The following MAF variants were observed in gnomAD, a reference collection of about 807,000 sequenced individuals.
MAF encodes the protein transcription factor Maf.
In MAF, 10 loss-of-function variants were observed where a neutral mutation model predicts 22.0. That is an observed-to-expected ratio of 0.45 (90% CI 0.28 to 0.77). The LOEUF is 0.77. MAF is among the 30% of genes least tolerant of loss of function. The pLI is 0.12. For synonymous variants in MAF, 337 were observed against 255.8 expected (o/e 1.32, Z -3.03); for missense variants, 544 against 548.4 (o/e 0.99, Z 0.08).
chr16:79,250,943 C>G, the MAF span, among the ~76,000 whole-genome samples: 2 of 152,090 alleles, frequency 1.3e-5, no homozygotes, highest in Admixed American at 6.5e-5. Context: ...GTAATAATTC[C>G]GATTACAAAA....
chr16:79,247,001 TA>T, the MAF span, among the ~76,000 whole-genome samples: 2 of 152,084 alleles, frequency 1.3e-5, no homozygotes, highest in African/African-American at 4.8e-5. Context: ...AATCAATCAA[TA>T]AACGAGAACA....
At chr16:79,353,775 C>A in the MAF span, among the ~76,000 whole-genome samples, 71 of 152,120 alleles carry the variant, frequency 4.7e-4, 2 homozygotes, top group Admixed American at 2.8e-3. Context: ...ATCTTTTAGA[C>A]GATGGTCCTC....
At chr16:79,286,400 G>T in the MAF span, among the ~76,000 whole-genome samples, 15 of 152,280 alleles carry the variant, frequency 9.9e-5, no homozygotes, top group Admixed American at 3.9e-4. Context: ...ATATTGAAAA[G>T]TTGGCCCCAC....
At chr16:79,402,843 G>C in the MAF span, among the ~76,000 whole-genome samples, 1 of 152,208 alleles carries the variant, frequency 6.6e-6, no homozygotes, top group Non-Finnish European at 1.5e-5. Flanking sequence ...CATGGGGGAA[G>C]TTCCAAGGAG....
At chr16:79,456,858 T>C in the MAF span, among the ~76,000 whole-genome samples, 2 of 152,180 alleles carry the variant, frequency 1.3e-5, no homozygotes, top group Non-Finnish European at 2.9e-5. Flanking sequence ...CCTATTTATA[T>C]GCAAACACAT....
At chr16:79,561,311 CTTTCT>C in the MAF span, among the ~76,000 whole-genome samples, 1 of 145,226 alleles carries the variant, frequency 6.9e-6, no homozygotes, top group Non-Finnish European at 1.5e-5. Context: ...TTGAAGTTTT[CTTTCT>C]TTTTTTTTTT....
the MAF span, among the ~76,000 whole-genome samples, chr16:79,558,275 CTA>C: frequency 6.6e-6 from 1 of 151,826 alleles, no homozygotes; most frequent in East Asian, 1.9e-4. Flanking sequence ...GAATTGGAAA[CTA>C]TGAACTATAA....
chr16:79,505,878 C>T, the MAF span, among the ~76,000 whole-genome samples: 1 of 151,782 alleles, frequency 6.6e-6, no homozygotes, highest in Non-Finnish European at 1.5e-5. Context: ...TGCGGGAGAA[C>T]TTGGGACATG....
chr16:79,551,643 C>G, the MAF span, among the ~76,000 whole-genome samples: 3 of 152,136 alleles, frequency 2.0e-5, no homozygotes, highest in Non-Finnish European at 4.4e-5. Flanking sequence ...ACTGTTTGTT[C>G]TTGTGCAGCC....
chr16:79,469,741 T>C, the MAF span, among the ~76,000 whole-genome samples: 13 of 151,988 alleles, frequency 8.6e-5, no homozygotes, highest in Non-Finnish European at 1.8e-4. Flanking sequence ...GGATTACAGG[T>C]GCCCGCCACC....
chr16:79,487,417 T>C, the MAF span, among the ~76,000 whole-genome samples: 4 of 152,290 alleles, frequency 2.6e-5, no homozygotes, highest in East Asian at 5.8e-4. Context: ...TACAAATTCG[T>C]GGGCCTATCA....
At chr16:79,432,336 A>C in the MAF span, among the ~76,000 whole-genome samples, 1 of 152,178 alleles carries the variant, frequency 6.6e-6, no homozygotes, top group Admixed American at 6.5e-5. Flanking sequence ...CTCAGTCTCG[A>C]GTATTTCCTT....
At chr16:79,388,220 T>C in the MAF span, among the ~76,000 whole-genome samples, 1 of 150,538 alleles carries the variant, frequency 6.6e-6, no homozygotes, top group Non-Finnish European at 1.5e-5. Context: ...TACATCCATT[T>C]GTCTGGGTTA....
chr16:79,455,060 C>T, the MAF span, among the ~76,000 whole-genome samples: 2 of 150,986 alleles, frequency 1.3e-5, no homozygotes, highest in African/African-American at 4.9e-5. Context: ...CGCACCATTG[C>T]ACTACAGCCT....
the MAF span, among the ~76,000 whole-genome samples, chr16:79,360,828 A>T: frequency 6.6e-6 from 1 of 152,164 alleles, no homozygotes; most frequent in Non-Finnish European, 1.5e-5. Context: ...CCCAGCAGGG[A>T]TGACTCAGGA....
chr16:79,517,936 G>T, the MAF span, among the ~76,000 whole-genome samples: 1 of 152,136 alleles, frequency 6.6e-6, no homozygotes, highest in African/African-American at 2.4e-5. Flanking sequence ...TGGACCAAGG[G>T]CAGGGTCTTT....
the MAF span, among the ~76,000 whole-genome samples, chr16:79,436,642 T>A: frequency 6.6e-6 from 1 of 152,250 alleles, no homozygotes; most frequent in African/African-American, 2.4e-5. Context: ...TTGAGATCAC[T>A]TCTAAAGGGC....
downstream of MAF, among the ~76,000 whole-genome samples, chr16:79,593,097 C>CA (rs1379409390): frequency 6.6e-6 from 1 of 151,794 alleles, no homozygotes; most frequent in Non-Finnish European, 1.5e-5. Context: ...AACAAACAAA[C>CA]AAAAAACAAA....
chr16:79,211,830 C>T, the MAF span: 2 of 1,612,984 alleles, frequency 1.2e-6, no homozygotes, highest in African/African-American at 2.7e-5. Context: ...CACACACCCG[C>T]CCTGTGTGTG....
Sources: gnomAD v4.1 joint callset for allele counts (sites outside exome capture counted in the v4.1 genomes callset) on GRCh38, gnomAD v4.1.1 for gene constraint, MANE v1.5 for transcripts, NCBI Gene and HGNC (gene_info 2026-07-23, HGNC 2026-07-21) for gene names.